NAALADL2: variants seen among roughly 807,000 people sequenced by gnomAD.
NAALADL2 encodes the protein N-acetylated alpha-linked acidic dipeptidase like 2.
A neutral mutation model predicts 87.2 loss-of-function variants in NAALADL2; 76 were observed. The observed-to-expected ratio is 0.87, with a 90% CI of 0.72 to 1.05. NAALADL2 has a LOEUF of 1.05. Ranked by LOEUF, NAALADL2 falls within the 50% of genes least tolerant of loss-of-function variation. NAALADL2 has a pLI of 0.00. For missense variants in NAALADL2, 1,089 were observed against 945.8 expected (o/e 1.15, Z -1.99); for synonymous variants, 354 against 331.0 (o/e 1.07, Z -0.75).
chr3:174,660,791 C>T (rs1406435028), intron 2 of NAALADL2, among the ~76,000 whole-genome samples: 1 of 152,078 alleles, frequency 6.6e-6, no homozygotes, highest in Non-Finnish European at 1.5e-5. Context: ...AAAGTACCTT[C>T]ATTTTTGGAG....
chr3:174,835,416 T>C (rs116006179), intron 3 of NAALADL2, among the ~76,000 whole-genome samples: 3,014 of 152,122 alleles, frequency 0.02, 106 homozygotes, highest in African/African-American at 0.068. Context: ...GAAGAAAACA[T>C]AGGGAAATGC....
intron 2 of NAALADL2, among the ~76,000 whole-genome samples, chr3:175,121,350 C>A (rs1726129125): frequency 6.6e-6 from 1 of 151,780 alleles, no homozygotes; most frequent in Non-Finnish European, 1.5e-5. Context: ...TTACTGTTGT[C>A]CTTGGCTACC....
chr3:175,783,468 A>G (rs934630404), intron 13 of NAALADL2, among the ~76,000 whole-genome samples: 3 of 151,574 alleles, frequency 2.0e-5, no homozygotes, highest in Admixed American at 6.6e-5. Flanking sequence ...CTTGGAAGCA[A>G]TTGTGAATGG....
At chr3:175,136,385 G>C (rs780023876) in intron 2 of NAALADL2, among the ~76,000 whole-genome samples, 1 of 152,134 alleles carries the variant, frequency 6.6e-6, no homozygotes, top group African/African-American at 2.4e-5. Context: ...TCAATAAAAT[G>C]GATAAAGCTC....
intron 9 of NAALADL2, among the ~76,000 whole-genome samples, chr3:175,527,817 A>G (rs78569863): frequency 0.013 from 1,966 of 152,348 alleles, 32 homozygotes; most frequent in African/African-American, 0.044. Flanking sequence ...TATTTGTTAT[A>G]TCACATACAC....
At chr3:175,777,830 A>C (rs747164677) in intron 13 of NAALADL2, among the ~76,000 whole-genome samples, 1 of 152,176 alleles carries the variant, frequency 6.6e-6, no homozygotes, top group Non-Finnish European at 1.5e-5. Context: ...CCCATACTCC[A>C]AGTCAGAAAA....
chr3:175,591,724 T>A (rs995616009), intron 10 of NAALADL2, among the ~76,000 whole-genome samples: 2 of 150,748 alleles, frequency 1.3e-5, no homozygotes, highest in African/African-American at 4.9e-5. Flanking sequence ...ACATTTTAAT[T>A]ATTTTTATTT....
intron 1 of NAALADL2, among the ~76,000 whole-genome samples, chr3:175,035,579 G>T (rs1753314169): frequency 6.6e-6 from 1 of 152,086 alleles, no homozygotes; most frequent in Non-Finnish European, 1.5e-5. Context: ...TAAGACGAAG[G>T]ACATGTGTGG....
chr3:175,359,631 A>G (rs1447073933), intron 5 of NAALADL2, among the ~76,000 whole-genome samples: 1 of 152,104 alleles, frequency 6.6e-6, no homozygotes, highest in Non-Finnish European at 1.5e-5. Context: ...AAAATTACCA[A>G]CTTTTTATTT....
intron 3 of NAALADL2, among the ~76,000 whole-genome samples, chr3:174,818,583 G>C (rs1721052794): frequency 6.6e-6 from 1 of 152,056 alleles, no homozygotes; most frequent in African/African-American, 2.4e-5. Flanking sequence ...CTTTGTCTTG[G>C]ATTTCTTATT....
intron 2 of NAALADL2, chr3:175,115,039 A>C (rs1263763327): frequency 6.6e-6 from 1 of 151,748 alleles, no homozygotes; most frequent in African/African-American, 2.4e-5. Context: ...ACTTGTTTTT[A>C]AATGAACGAT....
intron 5 of NAALADL2, among the ~76,000 whole-genome samples, chr3:175,409,659 T>C (rs1441303714): frequency 6.6e-6 from 1 of 151,972 alleles, no homozygotes; most frequent in African/African-American, 2.4e-5. Context: ...TTATTTTAGA[T>C]GACTTGTAAA....
At chr3:175,690,708 G>A (rs1736931018) in intron 11 of NAALADL2, among the ~76,000 whole-genome samples, 1 of 151,964 alleles carries the variant, frequency 6.6e-6, no homozygotes, top group Non-Finnish European at 1.5e-5. Flanking sequence ...AGAATTTAGA[G>A]GGAGGAGATT....
At chr3:175,029,066 A>ATATATATAT (rs569220638) in intron 1 of NAALADL2, among the ~76,000 whole-genome samples, 192 of 136,022 alleles carry the variant, frequency 1.4e-3, no homozygotes, top group Non-Finnish European at 2.2e-3. Context: ...TATATATATA[A>ATATATATAT]AAAACTCAAA....
At chr3:174,753,444 G>T (rs914306874) in intron 3 of NAALADL2, among the ~76,000 whole-genome samples, 4 of 152,100 alleles carry the variant, frequency 2.6e-5, no homozygotes, top group African/African-American at 9.7e-5. Flanking sequence ...TGGTAGTTTT[G>T]AACGTCCTTA....
chr3:175,181,297 C>CATATAT (rs1736427739), intron 2 of NAALADL2, among the ~76,000 whole-genome samples: 1 of 151,878 alleles, frequency 6.6e-6, no homozygotes, highest in African/African-American at 2.4e-5. Flanking sequence ...ATTGACAAAT[C>CATATAT]ATAGTCATAT....
intron 1 of NAALADL2, among the ~76,000 whole-genome samples, chr3:174,964,086 T>A (rs1031882689): frequency 3.3e-5 from 5 of 152,158 alleles, no homozygotes; most frequent in African/African-American, 1.2e-4. Flanking sequence ...AAAATATTTA[T>A]ATTTTTCAAG....
At chr3:175,605,620 C>T (rs1488588760) in intron 10 of NAALADL2, among the ~76,000 whole-genome samples, 2 of 139,794 alleles carry the variant, frequency 1.4e-5, no homozygotes, top group East Asian at 4.4e-4. Context: ...AGGCTGAGGA[C>T]ACCTAGATGT....
At chr3:175,206,510 C>T (rs1038453587) in intron 2 of NAALADL2, among the ~76,000 whole-genome samples, 9 of 151,330 alleles carry the variant, frequency 5.9e-5, no homozygotes, top group African/African-American at 2.2e-4. Flanking sequence ...GGGAGCTAAG[C>T]CATGAGGACA....
Sources: gnomAD v4.1 joint callset for allele counts (sites outside exome capture counted in the v4.1 genomes callset) on GRCh38, gnomAD v4.1.1 for gene constraint, MANE v1.5 for transcripts, NCBI Gene and HGNC (gene_info 2026-07-23, HGNC 2026-07-21) for gene names.